TP63: variants seen among roughly 807,000 people sequenced by gnomAD.
TP63 encodes tumor protein p63.
Under a neutral mutation model 82.8 loss-of-function variants are expected in TP63, and 17 were observed. The ratio of observed to expected loss-of-function variants is 0.21; its 90% CI spans 0.14 to 0.31. The LOEUF (loss-of-function observed/expected upper bound fraction) is 0.31. TP63 is among the 10% of genes least tolerant of loss of function. The probability of loss-of-function intolerance (pLI) is 1.00; values close to 1 mark genes in which losing one functional copy is unlikely to be tolerated. For missense variants in TP63, 648 were observed against 895.3 expected (o/e 0.72, Z 3.52); for synonymous variants, 330 against 321.7 (o/e 1.03, Z -0.28).
chr3:189,664,809 A>G (rs1714231879), intron 1 of TP63, among the ~76,000 whole-genome samples: 1 of 152,174 alleles, frequency 6.6e-6, no homozygotes, highest in African/African-American at 2.4e-5. Context: ...AATGTTTAAG[A>G]GAATCCATAG....
intron 11 of TP63, 97 bp from the exon 12 acceptor site, chr3:189,889,243 A>C: frequency 6.5e-7 from 1 of 1,550,000 alleles, no homozygotes; most frequent in Non-Finnish European, 8.9e-7. Context: ...CTGGTAGTTT[A>C]GGCCCTTGAT....
intron 9 of TP63, among the ~76,000 whole-genome samples, chr3:189,871,477 A>G (rs1718411799): frequency 6.6e-6 from 1 of 152,178 alleles, no homozygotes; most frequent in Non-Finnish European, 1.5e-5. Context: ...AGATCAAGAA[A>G]AGCTTCTCAG....
intron 1 of TP63, among the ~76,000 whole-genome samples, chr3:189,694,862 G>A (rs1345213676): frequency 5.8e-5 from 7 of 119,688 alleles, no homozygotes; most frequent in Admixed American, 2.3e-4. Context: ...CTGGAGTGCA[G>A]TGGCGTGATC....
intron 8 of TP63, among the ~76,000 whole-genome samples, chr3:189,869,065 A>G (rs1718086957): frequency 6.6e-6 from 1 of 152,086 alleles, no homozygotes; most frequent in Non-Finnish European, 1.5e-5. Context: ...AGCATACTGA[A>G]TTTCTTTTAT....
intron 1 of TP63, among the ~76,000 whole-genome samples, chr3:189,688,721 G>A (rs1289203999): frequency 6.6e-6 from 1 of 152,144 alleles, no homozygotes; most frequent in African/African-American, 2.4e-5. Context: ...CACACTCTAG[G>A]ACCTAGCCAA....
chr3:189,827,705 G>T (rs560570752), intron 4 of TP63, among the ~76,000 whole-genome samples: 8 of 152,308 alleles, frequency 5.3e-5, no homozygotes, highest in African/African-American at 1.4e-4. Flanking sequence ...TAGAAAGTTT[G>T]CAGGAACAGG....
chr3:189,677,433 CAT>C lies in TP63; in HGVS notation c.62+45866_62+45867del, dbSNP rs973392531. On this transcript the variant is annotated intron_variant, in intron 1 of 13. Coordinates refer to ENST00000264731, the MANE Select transcript of TP63 (RefSeq NM_003722.5). ...ACATATATACACGTATACATATATA[CAT>C]ATATATATACACACATATATATACA... Among the ~76,000 whole-genome samples, 229 of 130,664 alleles carry C rather than the reference CAT, an allele frequency of 1.8e-3. 2 individuals carry two copies. Among genetic ancestry groups the C allele is most frequent in the African/African-American group, 5.5e-3 (211 of 38,068 alleles). The allele number at this position is 130,664 out of a possible 152,430, so 85.7% of individuals were successfully genotyped here. A position where few individuals can be genotyped will look rare whatever the true frequency, so the allele number is the denominator to read the frequency against.
intron 10 of TP63, among the ~76,000 whole-genome samples, chr3:189,883,425 C>A (rs759069543): frequency 4.6e-5 from 7 of 152,140 alleles, no homozygotes; most frequent in Non-Finnish European, 7.4e-5. Context: ...AACTGTTCAC[C>A]CTCATTTCTG....
At chr3:189,846,324 A>G (rs1008907753) in intron 4 of TP63, among the ~76,000 whole-genome samples, 1 of 152,216 alleles carries the variant, frequency 6.6e-6, no homozygotes, top group Non-Finnish European at 1.5e-5. Context: ...TGACAAGGAT[A>G]TTTTATAAAA....
upstream of TP63, among the ~76,000 whole-genome samples, chr3:189,630,292 A>C (rs1729411985): frequency 6.6e-6 from 1 of 152,054 alleles, no homozygotes; most frequent in Non-Finnish European, 1.5e-5. Flanking sequence ...AGATACACAG[A>C]GTGGTTTTTT....
chr3:189,660,767 A>G (rs1920272), intron 1 of TP63, among the ~76,000 whole-genome samples: 67,478 of 151,554 alleles, frequency 0.45, 15,583 homozygotes, highest in East Asian at 0.51. Flanking sequence ...TTCTCCTTGT[A>G]GAGATCTTTC....
intron 3 of TP63, among the ~76,000 whole-genome samples, chr3:189,780,315 C>A (rs1489153152): frequency 6.6e-6 from 1 of 152,206 alleles, no homozygotes; most frequent in Non-Finnish European, 1.5e-5. Context: ...CCCCAAATCA[C>A]TGTACCCTTC....
At chr3:189,658,818 T>C (rs531801342) in intron 1 of TP63, among the ~76,000 whole-genome samples, 1 of 152,010 alleles carries the variant, frequency 6.6e-6, no homozygotes, top group Non-Finnish European at 1.5e-5. Flanking sequence ...TAAGGAAATA[T>C]GAATAAATTA....
intron 1 of TP63, among the ~76,000 whole-genome samples, chr3:189,658,385 CG>C (rs1246184182): frequency 1.3e-5 from 2 of 151,798 alleles, no homozygotes; most frequent in Non-Finnish European, 2.9e-5. Context: ...TCCTTAAGTA[CG>C]GGCTGCATGT....
At chr3:189,875,611 T>TACAC (rs1553859674) in intron 10 of TP63, among the ~76,000 whole-genome samples, 2 of 77,040 alleles carry the variant, frequency 2.6e-5, no homozygotes, top group African/African-American at 4.7e-5. Context: ...TATATATATA[T>TACAC]ATATATATAT....
intron 1 of TP63, among the ~76,000 whole-genome samples, chr3:189,686,871 C>G (rs1333139195): frequency 6.6e-6 from 1 of 151,722 alleles, no homozygotes; most frequent in Non-Finnish European, 1.5e-5. Flanking sequence ...GCTGGGATGA[C>G]AGGCACCTGC....
At chr3:189,768,105 A>G (rs531608721) in intron 3 of TP63, among the ~76,000 whole-genome samples, 152 of 152,268 alleles carry the variant, frequency 1.0e-3, no homozygotes, top group African/African-American at 3.6e-3. Context: ...CCCCGCGTGT[A>G]TGAATAACTA....
chr3:189,730,661 T>C (rs1240175993), intron 1 of TP63, among the ~76,000 whole-genome samples: 2 of 152,216 alleles, frequency 1.3e-5, no homozygotes, highest in Non-Finnish European at 2.9e-5. Context: ...TTTATACCTA[T>C]TTGTGATCCC....
At chr3:189,862,159 A>G (rs1717122979) in intron 4 of TP63, among the ~76,000 whole-genome samples, 1 of 152,218 alleles carries the variant, frequency 6.6e-6, no homozygotes, top group Admixed American at 6.5e-5. Context: ...TATGCAAACT[A>G]CTATTTTTCT....
Sources: gnomAD v4.1 joint callset for allele counts (sites outside exome capture counted in the v4.1 genomes callset) on GRCh38, gnomAD v4.1.1 for gene constraint, MANE v1.5 for transcripts, NCBI Gene and HGNC (gene_info 2026-07-23, HGNC 2026-07-21) for gene names.